The following DIAPH3 variants were observed in gnomAD, a reference collection of about 807,000 sequenced individuals.
DIAPH3 encodes the protein diaphanous related formin 3.
DIAPH3 carries 117 observed loss-of-function variants against 144.3 expected under a neutral mutation model. That is an observed-to-expected ratio of 0.81 (90% CI 0.70 to 0.95). The LOEUF is 0.95. Ranked by LOEUF, DIAPH3 falls within the 40% of genes least tolerant of loss-of-function variation. The pLI is 0.00. For synonymous variants in DIAPH3, 519 were observed against 488.9 expected (o/e 1.06, Z -0.81); for missense variants, 1,421 against 1,412.7 (o/e 1.01, Z -0.09).
chr13:59,982,955 T>C (rs983574344), intron 13 of DIAPH3, among the ~76,000 whole-genome samples: 2 of 151,504 alleles, frequency 1.3e-5, no homozygotes, highest in Non-Finnish European at 3.0e-5. Flanking sequence ...AAGCAGCAGA[T>C]ACAAGTTTTC....
chr13:60,136,950 AAAAT>A (rs199770491), intron 1 of DIAPH3, among the ~76,000 whole-genome samples: 6,726 of 152,016 alleles, frequency 0.044, 192 homozygotes, highest in Non-Finnish European at 0.063. Flanking sequence ...AAAAAAAAAA[AAAAT>A]AATAATAAAT....
intron 1 of DIAPH3, among the ~76,000 whole-genome samples, chr13:60,136,073 TTGCCAAGAAGAGGGA>T (rs1200202765): frequency 2.0e-5 from 3 of 152,106 alleles, no homozygotes; most frequent in Non-Finnish European, 4.4e-5. Context: ...GAAGTAGAAA[TTGCCAAGAAGAGGGA>T]GAAAGGAAGA....
intron 14 of DIAPH3, among the ~76,000 whole-genome samples, chr13:59,977,236 A>C (rs1377858150): frequency 2.0e-5 from 3 of 151,846 alleles, no homozygotes; most frequent in Non-Finnish European, 4.4e-5. Context: ...AGAGAGAGAC[A>C]GAGAGAGACT....
chr13:59,874,240 C>A (rs983554223), intron 21 of DIAPH3, among the ~76,000 whole-genome samples: 1 of 152,108 alleles, frequency 6.6e-6, no homozygotes, highest in Admixed American at 6.6e-5. Flanking sequence ...GTGGGGACTG[C>A]GGCATCAGTA....
intron 20 of DIAPH3, among the ~76,000 whole-genome samples, chr13:59,896,411 G>A (rs2046101467): frequency 6.6e-6 from 1 of 152,010 alleles, no homozygotes; most frequent in Non-Finnish European, 1.5e-5. Flanking sequence ...CATCTTTTGA[G>A]TATCACAAGT....
rs1266275395 is a variant in DIAPH3, at chr13:59,743,760, C to A, written c.3319+30429G>T. On this transcript the variant is annotated intron_variant, in intron 27 of 27. Transcript: ENST00000400324. ...GATATTTGTAAAGCATTTTCATTTC[C>A]TTTAAAGTTTTTATTTACAATCCAT... 3.3e-5 allele frequency among the ~76,000 whole-genome samples: 5 copies of A among 152,192 alleles called. No homozygotes were observed. The East Asian group carries it at 9.6e-4, about 29-fold the overall frequency.
chr13:60,140,348 G>C (rs745900876), intron 1 of DIAPH3, among the ~76,000 whole-genome samples: 1 of 152,104 alleles, frequency 6.6e-6, no homozygotes, highest in Non-Finnish European at 1.5e-5. Flanking sequence ...TGGGAATTAA[G>C]AAATACAATC....
At chr13:59,671,685 G>T (rs1201062033) in intron 27 of DIAPH3, among the ~76,000 whole-genome samples, 1 of 152,160 alleles carries the variant, frequency 6.6e-6, no homozygotes, top group Admixed American at 6.5e-5. Context: ...AAATAAACAC[G>T]ATGAGAATAC....
At chr13:60,088,226 C>G (rs1167199957) in intron 4 of DIAPH3, among the ~76,000 whole-genome samples, 1 of 99,672 alleles carries the variant, frequency 1.0e-5, no homozygotes, top group East Asian at 2.0e-4. Context: ...ATGTTCATCT[C>G]TACTAAGTAT....
At chr13:59,963,635 G>C (rs1037687469) in intron 17 of DIAPH3, among the ~76,000 whole-genome samples, 2 of 151,678 alleles carry the variant, frequency 1.3e-5, no homozygotes, top group East Asian at 3.9e-4. Flanking sequence ...TGTATGTAAT[G>C]GGGGGGAGGG....
At chr13:59,733,901 G>A (rs904447234) in intron 27 of DIAPH3, among the ~76,000 whole-genome samples, 1 of 152,210 alleles carries the variant, frequency 6.6e-6, no homozygotes, top group Non-Finnish European at 1.5e-5. Flanking sequence ...TTTCTTATTT[G>A]GCCCAGGCCA....
intron 17 of DIAPH3, among the ~76,000 whole-genome samples, chr13:59,950,326 TC>T: frequency 6.6e-6 from 1 of 152,196 alleles, no homozygotes; most frequent in Non-Finnish European, 1.5e-5. Context: ...CCTACGTGTT[TC>T]CCCAAACACC....
chr13:59,714,174 C>A (rs369430957), intron 27 of DIAPH3, among the ~76,000 whole-genome samples: 6,643 of 151,120 alleles, frequency 0.044, 210 homozygotes, highest in Admixed American at 0.1. Context: ...TCCCGGCTAA[C>A]ACGGTGAAAC....
intron 27 of DIAPH3, among the ~76,000 whole-genome samples, chr13:59,731,286 AACAC>A (rs1360264474): frequency 6.6e-6 from 1 of 152,242 alleles, no homozygotes; most frequent in Non-Finnish European, 1.5e-5. Context: ...TCCCTGGAGC[AACAC>A]AATGAACCTC....
At chr13:60,032,740 G>C (rs1026096731) in intron 5 of DIAPH3, among the ~76,000 whole-genome samples, 18 of 152,328 alleles carry the variant, frequency 1.2e-4, no homozygotes, top group Admixed American at 1.3e-4. Context: ...TTCCCTCATC[G>C]TCTTAGACAT....
chr13:60,106,330 A>C (rs889894575), intron 3 of DIAPH3, among the ~76,000 whole-genome samples: 1 of 152,226 alleles, frequency 6.6e-6, no homozygotes, highest in South Asian at 2.1e-4. Flanking sequence ...ATCATAAAAA[A>C]GAATGAACTA....
chr13:59,831,808 T>C (rs1373592331), intron 24 of DIAPH3, among the ~76,000 whole-genome samples: 3 of 151,940 alleles, frequency 2.0e-5, no homozygotes, highest in Non-Finnish European at 4.4e-5. Context: ...ACCCCAAGCC[T>C]GCTGAATTAA....
Position 60,084,601 on chromosome 13 carries a change from G to GA in DIAPH3, c.495+9026dup, listed in dbSNP as rs536170595. On this transcript the variant is annotated intron_variant, in intron 4 of 27. Transcript: ENST00000400324. ...AAGTAGCACAAAGCAGTTTCCCAAG[G>GA]AAAAAAAAAATCCACAAATAAAATC... 3.9e-4 allele frequency among the ~76,000 whole-genome samples: 57 copies of GA among 147,872 alleles called. No homozygotes were observed. The East Asian group carries it at 5.9e-3, about 15-fold the overall frequency.
At chr13:59,687,151 TTC>T (rs778752887) in intron 27 of DIAPH3, among the ~76,000 whole-genome samples, 2 of 152,118 alleles carry the variant, frequency 1.3e-5, no homozygotes, top group African/African-American at 4.8e-5. Flanking sequence ...AGGAAGAATT[TTC>T]TCTTTTTGAC....
Sources: gnomAD v4.1 joint callset for allele counts (sites outside exome capture counted in the v4.1 genomes callset) on GRCh38, gnomAD v4.1.1 for gene constraint, MANE v1.5 for transcripts, NCBI Gene and HGNC (gene_info 2026-07-23, HGNC 2026-07-21) for gene names.